The following XPR1 variants were observed in gnomAD, a reference collection of about 807,000 sequenced individuals.
The protein encoded by XPR1 is solute carrier family 53 member 1.
Under a neutral mutation model 87.5 loss-of-function variants are expected in XPR1, and 28 were observed. The observed-to-expected ratio is 0.32, with a 90% CI of 0.24 to 0.44. The LOEUF (loss-of-function observed/expected upper bound fraction) is 0.44, where lower values mean the gene tolerates loss of function less well. Among genes scored for constraint, XPR1 ranks in the 20% least tolerant of loss-of-function variants. The pLI, the probability that XPR1 is intolerant of heterozygous loss-of-function variation, is 1.00. For missense variants in XPR1, 559 were observed against 862.3 expected, an observed-to-expected ratio of 0.65 and a Z score of 4.41; for synonymous variants, 300 against 306.1, an observed-to-expected ratio of 0.98 and a Z score of 0.21.
chr1:180,776,293 CAA>C (rs766681633), intron 2 of XPR1, among the ~76,000 whole-genome samples: 2 of 151,978 alleles, frequency 1.3e-5, no homozygotes, highest in East Asian at 3.8e-4. Flanking sequence ...TTTATGTTAA[CAA>C]TATTTCTTAA....
chr1:180,834,567 A>G (rs1651204560), intron 9 of XPR1, among the ~76,000 whole-genome samples: 1 of 152,222 alleles, frequency 6.6e-6, no homozygotes, highest in African/African-American at 2.4e-5. Context: ...GGGTAGTGGC[A>G]TCTCCCTGAT....
At chr1:180,764,332 T>C (rs1319872370) in intron 2 of XPR1, among the ~76,000 whole-genome samples, 1 of 152,180 alleles carries the variant, frequency 6.6e-6, no homozygotes, top group Non-Finnish European at 1.5e-5. Context: ...AGATACCTCA[T>C]TATATATATG....
intron 1 of XPR1, among the ~76,000 whole-genome samples, chr1:180,666,044 A>G (rs1655949681): frequency 6.6e-6 from 1 of 152,106 alleles, no homozygotes; most frequent in Admixed American, 6.5e-5. Context: ...TTTTCCCAGT[A>G]CTATTTGTTG....
chr1:180,653,184 T>A (rs992669567), intron 1 of XPR1, among the ~76,000 whole-genome samples: 2 of 152,174 alleles, frequency 1.3e-5, no homozygotes, highest in African/African-American at 2.4e-5. Context: ...TTGTACAATA[T>A]TCTGATTGTA....
intron 1 of XPR1, among the ~76,000 whole-genome samples, chr1:180,668,117 C>T: frequency 1.4e-5 from 2 of 145,504 alleles, no homozygotes; most frequent in South Asian, 2.1e-4. Flanking sequence ...ATTTATTTCC[C>T]TCTATCTTTT....
chr1:180,697,002 A>C (rs1056744578), intron 2 of XPR1, among the ~76,000 whole-genome samples: 1 of 152,026 alleles, frequency 6.6e-6, no homozygotes, highest in Non-Finnish European at 1.5e-5. Flanking sequence ...TTGTAGAATG[A>C]GTTAGGAAGA....
At chr1:180,843,188 T>C (rs1239428305) in intron 11 of XPR1, among the ~76,000 whole-genome samples, 2 of 152,178 alleles carry the variant, frequency 1.3e-5, no homozygotes, top group African/African-American at 2.4e-5. Context: ...AGTAATAGAC[T>C]GTTATGCCAA....
intron 1 of XPR1, among the ~76,000 whole-genome samples, chr1:180,677,352 G>A (rs191171218): frequency 2.6e-5 from 4 of 152,220 alleles, no homozygotes; most frequent in African/African-American, 2.4e-5. Context: ...CTGAAAATTC[G>A]GGGACTGGAG....
At chr1:180,852,793 T>C (rs1291930331) in intron 11 of XPR1, among the ~76,000 whole-genome samples, 1 of 152,182 alleles carries the variant, frequency 6.6e-6, no homozygotes, top group African/African-American at 2.4e-5. Context: ...TCCCAAAATG[T>C]TGGGATTACA....
intron 13 of XPR1, 104 bp downstream of exon 13, chr1:180,874,046 ATT>A: frequency 1.5e-6 from 2 of 1,307,656 alleles, no homozygotes; most frequent in Non-Finnish European, 2.0e-6. Flanking sequence ...AAAACCTTTA[ATT>A]TTCCAACTTT....
chr1:180,635,906 G>A (rs1654743304), intron 1 of XPR1, among the ~76,000 whole-genome samples: 1 of 152,218 alleles, frequency 6.6e-6, no homozygotes, highest in South Asian at 2.1e-4. Context: ...ATTATGTTTG[G>A]TATATGAAGA....
chr1:180,748,305 A>C (rs1557987735), intron 2 of XPR1, among the ~76,000 whole-genome samples: 1 of 151,906 alleles, frequency 6.6e-6, no homozygotes, highest in Non-Finnish European at 1.5e-5. Flanking sequence ...GAATTATATA[A>C]GCTTATAATT....
intron 7 of XPR1, among the ~76,000 whole-genome samples, chr1:180,813,432 T>A (rs1179798472): frequency 1.3e-5 from 2 of 152,216 alleles, no homozygotes; most frequent in Non-Finnish European, 2.9e-5. Flanking sequence ...GTTAGTTTTC[T>A]TCTGAGTACA....
At chr1:180,635,291 A>G (rs149414020) in intron 1 of XPR1, among the ~76,000 whole-genome samples, 1 of 152,306 alleles carries the variant, frequency 6.6e-6, no homozygotes, top group Non-Finnish European at 1.5e-5. Context: ...ATAAATTTTG[A>G]CATGTAAAAT....
chr1:180,721,523 T>A (rs1428339774), intron 2 of XPR1, among the ~76,000 whole-genome samples: 1 of 152,162 alleles, frequency 6.6e-6, no homozygotes, highest in Non-Finnish European at 1.5e-5. Flanking sequence ...AAACCGTCAT[T>A]TTACTCCTGG....
chr1:180,738,337 T>C (rs1390357924), intron 2 of XPR1, among the ~76,000 whole-genome samples: 1 of 152,172 alleles, frequency 6.6e-6, no homozygotes, highest in African/African-American at 2.4e-5. Flanking sequence ...ACTGCCAAAC[T>C]GTTTTCCAGA....
intron 1 of XPR1, among the ~76,000 whole-genome samples, chr1:180,654,751 T>C (rs1293599836): frequency 1.3e-5 from 2 of 152,158 alleles, no homozygotes; most frequent in African/African-American, 4.8e-5. Context: ...ATTTCTTTCC[T>C]TTTTAAGGCT....
intron 2 of XPR1, among the ~76,000 whole-genome samples, chr1:180,705,671 C>CT (rs1386713234): frequency 6.6e-6 from 1 of 152,122 alleles, no homozygotes; most frequent in African/African-American, 2.4e-5. Flanking sequence ...ATGGGATCCT[C>CT]TAACATGTTA....
At chr1:180,662,449 C>T (rs1222718312) in intron 1 of XPR1, among the ~76,000 whole-genome samples, 1 of 152,052 alleles carries the variant, frequency 6.6e-6, no homozygotes, top group Non-Finnish European at 1.5e-5. Context: ...TGTGTCATGC[C>T]ACTCTCTTGG....
Sources: gnomAD v4.1 joint callset for allele counts (sites outside exome capture counted in the v4.1 genomes callset) on GRCh38, gnomAD v4.1.1 for gene constraint, MANE v1.5 for transcripts, NCBI Gene and HGNC (gene_info 2026-07-23, HGNC 2026-07-21) for gene names.